The following PLEKHG4B variants were observed in gnomAD, a reference collection of about 807,000 sequenced individuals.
PLEKHG4B encodes pleckstrin homology and RhoGEF domain containing G4B.
In PLEKHG4B, 111 loss-of-function variants were observed where a neutral mutation model predicts 121.3. That is an observed-to-expected ratio of 0.92 (90% CI 0.78 to 1.07). The LOEUF (loss-of-function observed/expected upper bound fraction) is 1.07. PLEKHG4B is among the 50% of genes least tolerant of loss of function. PLEKHG4B has a pLI of 0.00. For synonymous variants in PLEKHG4B, 738 were observed against 725.0 expected (o/e 1.02, Z -0.29); for missense variants, 1,831 against 1,757.8 (o/e 1.04, Z -0.74).
chr5:120,650 C>T (rs866502447), intron 2 of PLEKHG4B, among the ~76,000 whole-genome samples: 55 of 152,270 alleles, frequency 3.6e-4, no homozygotes, highest in African/African-American at 1.3e-3. Context: ...ATGCATTACA[C>T]TGATAAGCCC....
intron 18 of PLEKHG4B, among the ~76,000 whole-genome samples, chr5:180,278 T>C (rs905347954): frequency 2.0e-5 from 3 of 152,134 alleles, no homozygotes; most frequent in Admixed American, 6.5e-5. Context: ...CCTCAGACCT[T>C]TGGGCAGCTG....
chr5:102,497 C>G (rs115607200), intron 1 of PLEKHG4B, among the ~76,000 whole-genome samples: 3,309 of 152,168 alleles, frequency 0.022, 68 homozygotes, highest in Non-Finnish European at 0.032. Context: ...ACTGCAACCG[C>G]CAGTGCTGTG....
chr5:155,514 C>G (rs9312850), intron 9 of PLEKHG4B, 71 bp downstream of exon 9: 147,144 of 1,182,628 alleles, frequency 0.12, 11,981 homozygotes, highest in African/African-American at 0.36. Flanking sequence ...GTTAGCCAAA[C>G]TTGAAAATAA....
At chr5:142,299 C>T (rs1408302535) in intron 3 of PLEKHG4B, among the ~76,000 whole-genome samples, 5 of 152,186 alleles carry the variant, frequency 3.3e-5, no homozygotes, top group African/African-American at 7.2e-5. Context: ...CAGCACCCCT[C>T]GCAGTCACAC....
Position 143,499 on chromosome 5 carries a change from C to T in PLEKHG4B, c.1807C>T (p.Pro603Ser). The T allele has an allele frequency of 2.5e-6, 4 of 1,612,748 alleles. No homozygotes were observed. Among genetic ancestry groups the T allele is most frequent in the African/African-American group, 1.3e-5 (1 of 75,034 alleles). The change falls in exon 5 of 20, where the codon CCC becomes TCC. Residue 603 changes from proline to serine, a missense_variant. Coordinates refer to ENST00000637938, the MANE Select transcript of PLEKHG4B (RefSeq NM_052909.5). ...CCTGCTGCTGTACTTCCATAGCATC[C>T]CCAGGTGGGACGGGGGGCAAGGCCG... ...TRLLLYFHSIPRKEVRDLGLV... is the reference protein window; with the variant it reads ...TRLLLYFHSISRKEVRDLGLV...
Position 174,046 on chromosome 5 carries a change from A to T in PLEKHG4B, c.4350A>T (p.Ala1450=). ...CAAGCTCGGCAGAGGTCAAGAGTGC[A>T]TGGACCGATGTCATAGGGAGGATCC... is the stretch of plus-strand genomic sequence containing the variant. ...LQASSAEVKS[A]WTDVIGRILW... is the part of the protein sequence containing the mutation. Residue 1450 remains alanine, a synonymous_variant, in exon 18 of 20, where the codon GCA becomes GCT. Coordinates refer to ENST00000637938, the MANE Select transcript of PLEKHG4B (RefSeq NM_052909.5). 6.3e-7 allele frequency: 1 copy of T among 1,599,794 alleles called. No homozygotes were observed. Among genetic ancestry groups the T allele is most frequent in the South Asian group, 1.1e-5 (1 of 88,756 alleles).
At chr5:135,615 G>C (rs1347734201) in intron 2 of PLEKHG4B, among the ~76,000 whole-genome samples, 1 of 136,728 alleles carries the variant, frequency 7.3e-6, no homozygotes, top group Non-Finnish European at 1.5e-5. Flanking sequence ...GCAGTGAGCC[G>C]AGATTATGTC....
chr5:112,174 C>G (rs754463317), intron 1 of PLEKHG4B, among the ~76,000 whole-genome samples: 3 of 152,140 alleles, frequency 2.0e-5, no homozygotes, highest in Non-Finnish European at 4.4e-5. Flanking sequence ...GTGGCAGGGC[C>G]GGCAGGAGGC....
intron 2 of PLEKHG4B, among the ~76,000 whole-genome samples, chr5:130,505 T>G (rs1384604964): frequency 6.6e-6 from 1 of 152,212 alleles, no homozygotes; most frequent in East Asian, 1.9e-4. Flanking sequence ...AGCTGAACTT[T>G]TAGGAATATT....
chr5:94,475 G>A (rs950817040), intron 1 of PLEKHG4B, among the ~76,000 whole-genome samples: 10 of 149,330 alleles, frequency 6.7e-5, no homozygotes, highest in African/African-American at 2.5e-4. Flanking sequence ...GGATGAGTGG[G>A]TGGCGGGGCT....
rs1287243329 is a variant in PLEKHG4B at position 184,109 on chromosome 5, C to T, written c.*1786C>T. 1 of 152,158 alleles carries T rather than the reference C, an allele frequency of 6.6e-6. No homozygotes were observed. The allele number at this position is 152,158 out of a possible 1,614,324, so 9.4% of individuals were successfully genotyped here. On this transcript the variant is annotated 3_prime_UTR_variant, in exon 20 of 20. Coordinates refer to ENST00000637938, the MANE Select transcript of PLEKHG4B (RefSeq NM_052909.5). ...GTCAAGAGCCCCACAATAGGCCATC[C>T]ACAAGCTGGAGACCCAAGGAAGCTG...
At chr5:165,982 C>T (rs1437967204) in intron 13 of PLEKHG4B, among the ~76,000 whole-genome samples, 1 of 5,694 alleles carries the variant, frequency 1.8e-4, no homozygotes, top group Non-Finnish European at 5.3e-4. Context: ...TCTGACGGGG[C>T]GGGGCTCACA....
chr5:178,355 C>CTA (rs1174530852), intron 18 of PLEKHG4B, among the ~76,000 whole-genome samples: 1 of 152,078 alleles, frequency 6.6e-6, no homozygotes, highest in Non-Finnish European at 1.5e-5. Context: ...TCATGCCTGT[C>CTA]TAACTACCTG....
In PLEKHG4B at chr5:156,104, A is replaced by G; in HGVS notation, c.2242A>G (p.Met748Val). 6.3e-7 allele frequency: 1 copy of G among 1,599,374 alleles called. No homozygotes were observed. Among genetic ancestry groups the G allele is most frequent in the Non-Finnish European group, 8.5e-7 (1 of 1,172,556 alleles). ...CGAGTTAATTGACCAGCATGAGACG[A>G]TGATGAAGCTTGTCCTGGAAGACCC... ...VAELIDQHET[M>V]MKLVLEDPLL... Residue 748 changes from methionine (M) to valine (V), a missense_variant, in exon 10 of 20, where the codon ATG becomes GTG. By Grantham distance (21) the Met-to-Val change is conservative. Coordinates refer to ENST00000637938, the MANE Select transcript of PLEKHG4B (RefSeq NM_052909.5). This position sits in a 1 kb window ranked among gnomAD's most constrained non-coding sequence, Gnocchi z 4.4.
intron 6 of PLEKHG4B, among the ~76,000 whole-genome samples, chr5:146,263 C>A (rs1735409901): frequency 9.0e-6 from 1 of 110,694 alleles, no homozygotes; most frequent in Admixed American, 8.9e-5. Context: ...ACTTCTCCCA[C>A]CCTGCCCCCC....
Position 156,039 on chromosome 5 carries a change from GTTAAAGGC to G in PLEKHG4B, c.2209-28_2209-21del. Reference sequence around the variant, plus strand: ...GAGGACCTGCCCCTTGGAGGAGGGAGTTAAAGGCTTATTCCTCCCCATCCCGTGCAGGA... The same window carrying G: ...GAGGACCTGCCCCTTGGAGGAGGGAGTTATTCCTCCCCATCCCGTGCAGGA... On this transcript the variant is annotated intron_variant, in intron 9 of 19. Coordinates refer to ENST00000637938, the MANE Select transcript of PLEKHG4B (RefSeq NM_052909.5). This position sits in a 1 kb window ranked among gnomAD's most constrained non-coding sequence, Gnocchi z 4.4. 6.5e-7 allele frequency: 1 copy of G among 1,531,906 alleles called. No homozygotes were observed. Among genetic ancestry groups the G allele is most frequent in the Non-Finnish European group, 8.8e-7 (1 of 1,135,020 alleles). The allele number at this position is 1,531,906 out of a possible 1,614,324, so 94.9% of individuals were successfully genotyped here.
At chr5:153,583 A>G (rs1478913268) in intron 7 of PLEKHG4B, among the ~76,000 whole-genome samples, 5 of 152,208 alleles carry the variant, frequency 3.3e-5, no homozygotes, top group Non-Finnish European at 7.4e-5. Flanking sequence ...CCTTCTGGGA[A>G]TCCACTTTCA....
chr5:182,063 C>A lies in PLEKHG4B; in HGVS notation c.4624C>A (p.Arg1542=), dbSNP rs199509735. 9.3e-5 allele frequency: 150 copies of A among 1,614,044 alleles called. No individual in the cohort carries two copies. Among genetic ancestry groups the A allele is most frequent in the Middle Eastern group, 3.3e-4 (2 of 6,084 alleles). Reference sequence around the variant, plus strand: ...CTCTGACCACGCCGCCCCCTTCAAGCGACCACACTCCACCATCTCAGACAG... The same window carrying A: ...CTCTGACCACGCCGCCCCCTTCAAGAGACCACACTCCACCATCTCAGACAG... ...SSSDHAAPFK[R]PHSTISDSST... is the part of the protein sequence containing the mutation. Residue 1542 remains arginine, a synonymous_variant, in exon 20 of 20, where the codon CGA becomes AGA. Transcript: ENST00000637938.
chr5:165,813 A>G (rs376128220), intron 13 of PLEKHG4B, among the ~76,000 whole-genome samples: 3 of 6,472 alleles, frequency 4.6e-4, no homozygotes, highest in Admixed American at 1.4e-3. Flanking sequence ...CTCTGATGGG[A>G]CGGGGCTCAC....
Sources: gnomAD v4.1 joint callset for allele counts (sites outside exome capture counted in the v4.1 genomes callset) on GRCh38, gnomAD v4.1.1 for gene constraint, Gnocchi (gnomAD v3.1) non-coding constraint, MANE v1.5 for transcripts, NCBI Gene and HGNC (gene_info 2026-07-23, HGNC 2026-07-21) for gene names.